SCUBE1: variants seen among roughly 807,000 people sequenced by gnomAD.
The protein encoded by SCUBE1 is signal peptide, CUB domain and EGF like domain containing 1.
Under a neutral mutation model 124.4 loss-of-function variants are expected in SCUBE1, and 59 were observed. The ratio of observed to expected loss-of-function variants is 0.47; its 90% CI spans 0.38 to 0.59. The LOEUF is 0.59. Among genes scored for constraint, SCUBE1 ranks in the 20% least tolerant of loss-of-function variants. SCUBE1 has a pLI of 0.00. For missense variants in SCUBE1, 1,150 were observed against 1,371.2 expected (o/e 0.84, Z 2.55); for synonymous variants, 545 against 550.9 (o/e 0.99, Z 0.15).
At chr22:43,310,968 G>T (rs1926149137) in intron 3 of SCUBE1, among the ~76,000 whole-genome samples, 1 of 152,036 alleles carries the variant, frequency 6.6e-6, no homozygotes, top group Non-Finnish European at 1.5e-5. Context: ...CTGTAGAGAT[G>T]GGGTCTTGCT....
intron 8 of SCUBE1, 47 bp downstream of exon 8, chr22:43,231,706 C>T (rs116843827): frequency 0.03 from 46,380 of 1,531,442 alleles, 851 homozygotes; most frequent in Middle Eastern, 0.039. Context: ...GGAAGGGGCA[C>T]GATCCCGCTG....
chr22:43,312,560 G>A (rs1601882322), intron 3 of SCUBE1, among the ~76,000 whole-genome samples: 1 of 152,124 alleles, frequency 6.6e-6, no homozygotes. Flanking sequence ...TGAGAGGAGG[G>A]TGCTGGAGCG....
At chr22:43,239,124 G>A in intron 6 of SCUBE1, 170 bp from the exon 7 acceptor site, 1 of 607,268 alleles carries the variant, frequency 1.6e-6, no homozygotes, top group East Asian at 2.8e-5. Context: ...GCCTCTCTGA[G>A]CCTCAAGCTC....
rs542913147 is a variant in SCUBE1, at chr22:43,272,069, C to T, written c.485-9224G>A. 3.9e-5 allele frequency among the ~76,000 whole-genome samples: 6 copies of T among 152,318 alleles called. No homozygotes were observed. In the East Asian group the frequency reaches 1.2e-3, roughly 29 times the overall value. ...CCCTCCATTAAGTGCTCACCTCACA[C>T]CTCATCAGCCCTGGTACCCACTTGG... On this transcript the variant is annotated intron_variant, in intron 4 of 21. Transcript: ENST00000360835.
chr22:43,339,641 C>G (rs1273690331), intron 1 of SCUBE1, among the ~76,000 whole-genome samples: 2 of 136,974 alleles, frequency 1.5e-5, no homozygotes, highest in Non-Finnish European at 3.1e-5. Context: ...TCTATCCCCC[C>G]ACAAGCATCA....
At chr22:43,295,943 G>A (rs748637653) in intron 3 of SCUBE1, among the ~76,000 whole-genome samples, 9 of 152,208 alleles carry the variant, frequency 5.9e-5, no homozygotes, top group Non-Finnish European at 8.8e-5. Flanking sequence ...GGGGATCCTG[G>A]AGGAGGCGGA....
chr22:43,233,490 T>C (rs1922639426), intron 7 of SCUBE1: 1 of 152,254 alleles, frequency 6.6e-6, no homozygotes, highest in Admixed American at 6.5e-5. Flanking sequence ...TCAGCTCTTG[T>C]TGGTCACCAG....
Position 43,255,662 on chromosome 22 carries a change from G to A in SCUBE1, c.727+2557C>T, listed in dbSNP as rs113855652. On this transcript the variant is annotated intron_variant, in intron 6 of 21. Coordinates refer to ENST00000360835, the MANE Select transcript of SCUBE1 (RefSeq NM_173050.5). The surrounding 1 kb of genome is among the most constrained non-coding windows in gnomAD (Gnocchi z 4.7). Reference sequence around the variant, plus strand: ...GGCCCAAGACAGTCAGCCTCTCGGCGTGGCGCACGCAAAGCCAACACAACA... The same window carrying A: ...GGCCCAAGACAGTCAGCCTCTCGGCATGGCGCACGCAAAGCCAACACAACA... The A allele has an allele frequency of 3.4e-4, 399 of 1,190,750 alleles. 1 individual carries two copies. The highest frequency in any genetic ancestry group is 4.2e-4 in the Non-Finnish European group (348 of 825,180). The allele number at this position is 1,190,750 out of a possible 1,614,324, so 73.8% of individuals were successfully genotyped here.
chr22:43,213,129 T>A (rs1458050991), intron 16 of SCUBE1: 1 of 157,248 alleles, frequency 6.4e-6, no homozygotes, highest in Non-Finnish European at 1.4e-5. Flanking sequence ...CAGCTCCGAG[T>A]AAAGAATGTT....
At chr22:43,229,666 G>A (rs1366533505) in intron 8 of SCUBE1, among the ~76,000 whole-genome samples, 1 of 152,104 alleles carries the variant, frequency 6.6e-6, no homozygotes, top group African/African-American at 2.4e-5. Flanking sequence ...AGAAAATAAG[G>A]AAAACCACAC....
chr22:43,335,720 T>C (rs1224016621), intron 2 of SCUBE1, among the ~76,000 whole-genome samples: 1 of 150,934 alleles, frequency 6.6e-6, no homozygotes, highest in Non-Finnish European at 1.5e-5. Flanking sequence ...GAAACTACTT[T>C]GACAGCTAGT....
At chr22:43,340,261 G>C (rs1927265902) in intron 1 of SCUBE1, among the ~76,000 whole-genome samples, 1 of 151,946 alleles carries the variant, frequency 6.6e-6, no homozygotes, top group Admixed American at 6.6e-5. Flanking sequence ...CTCCCCACAT[G>C]GTCCTCCCTC....
At chr22:43,252,160 C>G (rs1330266232) in intron 6 of SCUBE1, among the ~76,000 whole-genome samples, 1 of 152,236 alleles carries the variant, frequency 6.6e-6, no homozygotes, top group Non-Finnish European at 1.5e-5. Context: ...GTGACTATCA[C>G]AAAAAGCAAT....
At chr22:43,307,043 C>T (rs535804178) in intron 3 of SCUBE1, among the ~76,000 whole-genome samples, 3 of 152,368 alleles carry the variant, frequency 2.0e-5, no homozygotes, top group South Asian at 2.1e-4. Context: ...CCCTGCCACC[C>T]GCCCATCCTC....
intron 6 of SCUBE1, among the ~76,000 whole-genome samples, chr22:43,252,299 A>G (rs992660372): frequency 3.3e-5 from 5 of 152,158 alleles, no homozygotes; most frequent in South Asian, 2.1e-4. Context: ...TGGAGCCACA[A>G]TCCCGGCTCT....
At chr22:43,264,492 A>G (rs923838058) in intron 4 of SCUBE1, among the ~76,000 whole-genome samples, 1 of 152,156 alleles carries the variant, frequency 6.6e-6, no homozygotes, top group African/African-American at 2.4e-5. Context: ...GGCTCTCGGT[A>G]GAGAAACCTT....
chr22:43,334,103 C>G (rs963251138), intron 2 of SCUBE1, among the ~76,000 whole-genome samples: 1 of 152,200 alleles, frequency 6.6e-6, no homozygotes, highest in Non-Finnish European at 1.5e-5. Flanking sequence ...GAACCCTACT[C>G]CAGCTCAGGA....
At chr22:43,273,463 G>A (rs910217547) in intron 4 of SCUBE1, among the ~76,000 whole-genome samples, 1 of 151,810 alleles carries the variant, frequency 6.6e-6, no homozygotes, top group Non-Finnish European at 1.5e-5. Context: ...AGGTTGATTC[G>A]ACAGCGCTGA....
chr22:43,232,048 C>T (rs1473753860), intron 7 of SCUBE1, 173 bp from the exon 8 acceptor site: 4 of 655,776 alleles, frequency 6.1e-6, no homozygotes, highest in African/African-American at 1.8e-5. Context: ...GGCCCTGTCT[C>T]GCAGGGGTCA....
Sources: allele counts gnomAD v4.1 joint callset (sites outside exome capture counted in the v4.1 genomes callset), GRCh38; gene constraint gnomAD v4.1.1; non-coding constraint Gnocchi (gnomAD v3.1); transcripts MANE v1.5; gene names NCBI Gene and HGNC (gene_info 2026-07-23, HGNC 2026-07-21).